The following HLA-DPA1 variants were observed in gnomAD, a reference collection of about 807,000 sequenced individuals.
The protein encoded by HLA-DPA1 is HLA class II histocompatibility antigen, DP alpha 1 chain.
HLA-DPA1 carries 20 observed loss-of-function variants against 21.5 expected under a neutral mutation model. The observed-to-expected ratio is 0.93, with a 90% CI of 0.66 to 1.35. HLA-DPA1 has a LOEUF of 1.35. HLA-DPA1 is among the 40% of genes most tolerant of loss of function. The pLI, the probability that HLA-DPA1 is intolerant of heterozygous loss-of-function variation, is 0.00. For synonymous variants in HLA-DPA1, 123 were observed against 129.6 expected (o/e 0.95, Z 0.35); for missense variants, 279 against 323.0 (o/e 0.86, Z 1.05).
At chr6:33,066,527 A>T (rs1231427338) in intron 5 of HLA-DPA1, 1 of 152,240 alleles carries the variant, frequency 6.6e-6, no homozygotes, top group Non-Finnish European at 1.5e-5. Flanking sequence ...TATAGGGAAG[A>T]CTTCTTTTAA....
At chr6:33,079,990 TA>T in intron 1 of HLA-DPA1, 2 of 224,292 alleles carry the variant, frequency 8.9e-6, no homozygotes, top group Non-Finnish European at 1.8e-5. Context: ...TTTCATTGTG[TA>T]AAATACTTTC....
chr6:33,069,534 G>C, intron 3 of HLA-DPA1, 107 bp downstream of exon 2: 1 of 1,375,840 alleles, frequency 7.3e-7, no homozygotes, highest in South Asian at 1.3e-5. Flanking sequence ...TAGGGGAAGA[G>C]GATCACACAG....
intron 2 of HLA-DPA1, among the ~76,000 whole-genome samples, chr6:33,070,466 AT>A (rs1159784461): frequency 2.6e-5 from 4 of 152,106 alleles, no homozygotes; most frequent in Non-Finnish European, 5.9e-5. Flanking sequence ...GGGAATGGAC[AT>A]TTTCTTTTTC....
intron 5 of HLA-DPA1, chr6:33,068,101 C>T (rs969467375): frequency 1.3e-5 from 2 of 152,204 alleles, no homozygotes; most frequent in African/African-American, 4.8e-5. Flanking sequence ...TTTGTGTGAA[C>T]ATTGCCATGG....
At position 33,080,495 on chromosome 6, in the gene HLA-DPA1, C is replaced by A; in HGVS notation, c.-100+185G>T. 1 of 854,858 alleles carries A rather than the reference C, an allele frequency of 1.2e-6. No individual in the cohort carries two copies. Among genetic ancestry groups the A allele is most frequent in the Non-Finnish European group, 1.9e-6 (1 of 513,124 alleles). 53.0% of individuals were successfully genotyped at this position (854,858 alleles called of 1,614,324 possible). A position where few individuals can be genotyped will look rare whatever the true frequency, so the allele number is the denominator to read the frequency against. The stretch of plus-strand genomic sequence containing the variant: ...CTCTCTGCGTGGTGAGAAAACAGGC[C>A]TGGAGAGGCTCTGCGACCCGCTTAG... On this transcript the variant is annotated intron_variant, in intron 1 of 5. Transcript: ENST00000419277. The surrounding 1 kb of genome is among the most constrained non-coding windows in gnomAD (Gnocchi z 4.3).
chr6:33,069,179 C>T (rs1762123594), exon 4 of HLA-DPA1: 3 of 1,612,816 alleles, frequency 1.9e-6, no homozygotes, highest in Non-Finnish European at 2.5e-6. Context: ...TGACCAGCTC[C>T]CCGTTGCACA....
intron 5 of HLA-DPA1, chr6:33,065,837 C>A (rs913349881): frequency 2.0e-5 from 3 of 152,050 alleles, no homozygotes; most frequent in Non-Finnish European, 2.9e-5. Flanking sequence ...TTCCTGAATT[C>A]TTTAATTCCT....
At chr6:33,078,221 A>G (rs1327238037) in intron 1 of HLA-DPA1, among the ~76,000 whole-genome samples, 1 of 152,142 alleles carries the variant, frequency 6.6e-6, no homozygotes, top group African/African-American at 2.4e-5. Context: ...TGTAGGGGGA[A>G]TGAGATGAGG....
At chr6:33,078,975 G>C (rs3097670) in intron 1 of HLA-DPA1, among the ~76,000 whole-genome samples, 12,075 of 152,112 alleles carry the variant, frequency 0.079, 639 homozygotes, top group Non-Finnish European at 0.11. Flanking sequence ...TAGGGTCTGG[G>C]GCCCAAGGCA....
At chr6:33,067,657 A>G (rs569246570) in intron 5 of HLA-DPA1, 3 of 152,350 alleles carry the variant, frequency 2.0e-5, no homozygotes, top group East Asian at 1.9e-4. Flanking sequence ...AACAAACTGG[A>G]TGTACAAAAT....
At chr6:33,072,658 T>G (rs983773609) in intron 2 of HLA-DPA1, among the ~76,000 whole-genome samples, 3 of 152,214 alleles carry the variant, frequency 2.0e-5, no homozygotes, top group Non-Finnish European at 4.4e-5. Context: ...CGTTATGGAT[T>G]CTAACCTTCC....
chr6:33,070,631 G>A (rs1762231415), intron 2 of HLA-DPA1, among the ~76,000 whole-genome samples: 2 of 152,078 alleles, frequency 1.3e-5, no homozygotes, highest in South Asian at 2.1e-4. Context: ...TTTTTCATTT[G>A]GGGCATATAA....
exon 4 of HLA-DPA1, chr6:33,069,098 G>A (rs1347900937): frequency 5.6e-6 from 9 of 1,613,054 alleles, no homozygotes; most frequent in Non-Finnish European, 7.6e-6. Context: ...AGGGCACAAA[G>A]GTCAGGTAAT....
intron 3 of HLA-DPA1, 73 bp downstream of exon 2, chr6:33,069,568 T>C: frequency 6.4e-7 from 1 of 1,571,346 alleles, no homozygotes; most frequent in Non-Finnish European, 8.7e-7. Flanking sequence ...GGCTTCCTAG[T>C]CTGAGGGTGG....
At position 33,073,707 on chromosome 6, in the gene HLA-DPA1, T is replaced by G. The variant is rs1762404316; in HGVS notation, c.-99-38A>C. ...GGAGAGGAATCAGCATGGCTGGGAT[T>G]CACCTATCAGAGAAATCATAGAGCT... On this transcript the variant is annotated intron_variant, in intron 1 of 5. Transcript: ENST00000419277. 2.4e-5 allele frequency: 15 copies of G among 633,468 alleles called. No individual in the cohort carries two copies. In the South Asian group the frequency reaches 2.8e-4, roughly 12 times the overall value. 39.2% of individuals were successfully genotyped at this position (633,468 alleles called of 1,614,324 possible).
chr6:33,072,648 C>T lies in HLA-DPA1; in HGVS notation c.100+823G>A, dbSNP rs138049299. Among the ~76,000 whole-genome samples, 542 of 152,268 alleles carry T rather than the reference C, an allele frequency of 3.6e-3. 3 individuals carry two copies. The highest frequency in any genetic ancestry group is 0.026 in the East Asian group (133 of 5,192). On this transcript the variant is annotated intron_variant, in intron 2 of 5. Transcript: ENST00000419277. ...GTCTGAAGCCAGTGTGCATCTTGTA[C>T]GTTATGGATTCTAACCTTCCCCATC... is the stretch of plus-strand genomic sequence containing the variant.
At chr6:33,069,188 C>A in exon 4 of HLA-DPA1, 1 of 1,612,980 alleles carries the variant, frequency 6.2e-7, no homozygotes, top group Non-Finnish European at 8.5e-7. Context: ...CCCCGTTGCA[C>A]AGCCACGTGA....
chr6:33,075,796 C>A, intron 1 of HLA-DPA1: 1 of 504,066 alleles, frequency 2.0e-6, no homozygotes, highest in Non-Finnish European at 3.5e-6. Context: ...TGTCTTTCCT[C>A]CGTCATCTTA....
At chr6:33,070,604 T>C (rs894460402) in intron 2 of HLA-DPA1, among the ~76,000 whole-genome samples, 3 of 152,218 alleles carry the variant, frequency 2.0e-5, no homozygotes, top group Non-Finnish European at 2.9e-5. Flanking sequence ...GTAGAATGTA[T>C]AGCTTTGTTG....
Sources: allele counts gnomAD v4.1 joint callset (sites outside exome capture counted in the v4.1 genomes callset), GRCh38; gene constraint gnomAD v4.1.1; non-coding constraint Gnocchi (gnomAD v3.1); transcripts MANE v1.5; gene names NCBI Gene and HGNC (gene_info 2026-07-23, HGNC 2026-07-21).